The following MARCHF3 variants were observed in gnomAD, a reference collection of about 807,000 sequenced individuals.
The protein encoded by MARCHF3 is E3 ubiquitin-protein ligase MARCHF3.
MARCHF3 carries 13 observed loss-of-function variants against 24.2 expected under a neutral mutation model. That is an observed-to-expected ratio of 0.54 (90% CI 0.35 to 0.85). The LOEUF (loss-of-function observed/expected upper bound fraction) is 0.85. Ranked by LOEUF, MARCHF3 falls within the 40% of genes least tolerant of loss-of-function variation. The pLI is 0.01. For synonymous variants in MARCHF3, 144 were observed against 137.3 expected (o/e 1.05, Z -0.34); for missense variants, 276 against 325.0 (o/e 0.85, Z 1.16).
chr5:127,027,674 G>A (rs1753047762), intron 1 of MARCHF3, among the ~76,000 whole-genome samples: 2 of 152,306 alleles, frequency 1.3e-5, no homozygotes, highest in South Asian at 2.1e-4. Context: ...ACTTTCAGAT[G>A]TAAGACAAAA....
At chr5:126,893,357 T>C (rs1753762956) in intron 3 of MARCHF3, among the ~76,000 whole-genome samples, 1 of 151,120 alleles carries the variant, frequency 6.6e-6, no homozygotes, top group Admixed American at 6.6e-5. Flanking sequence ...GCTCTTGCAT[T>C]TCTAGTTCTT....
chr5:126,922,210 T>C (rs1224619844), intron 1 of MARCHF3, among the ~76,000 whole-genome samples: 1 of 152,054 alleles, frequency 6.6e-6, no homozygotes, highest in Non-Finnish European at 1.5e-5. Flanking sequence ...GAATCATGAG[T>C]TAGGGAAAAA....
intron 1 of MARCHF3, among the ~76,000 whole-genome samples, chr5:126,978,291 C>G (rs1425807645): frequency 6.6e-6 from 1 of 152,148 alleles, no homozygotes; most frequent in Non-Finnish European, 1.5e-5. Context: ...AGAGAGACTG[C>G]CCAGAGTGAC....
At position 126,951,093 on chromosome 5, in the gene MARCHF3, T is replaced by C. The variant is rs74424020; in HGVS notation, c.-56-32866A>G. ...TGTTTTTGTTAAGTTCGCTAGTTATTCCATGTTGCTAAATCCAACAGTCCT... is the reference window on the plus strand; with the variant it reads ...TGTTTTTGTTAAGTTCGCTAGTTATCCCATGTTGCTAAATCCAACAGTCCT... On this transcript the variant is annotated intron_variant, in intron 1 of 4. Transcript: ENST00000308660. Among the ~76,000 whole-genome samples, 1,512 of 152,308 alleles carry C rather than the reference T, an allele frequency of 9.9e-3. 19 individuals carry two copies. The highest frequency in any genetic ancestry group is 0.035 in the African/African-American group (1,444 of 41,548).
intron 3 of MARCHF3, among the ~76,000 whole-genome samples, chr5:126,896,176 G>A (rs914886123): frequency 9.2e-5 from 14 of 152,092 alleles, no homozygotes; most frequent in East Asian, 5.8e-4. Flanking sequence ...GCTGGCGCAC[G>A]GTGCGTGCAC....
At chr5:127,028,863 AG>A (rs1334253957) in intron 1 of MARCHF3, among the ~76,000 whole-genome samples, 2 of 152,236 alleles carry the variant, frequency 1.3e-5, no homozygotes, top group Admixed American at 1.3e-4. Context: ...AGAACTTGAG[AG>A]GCAGGCTTTG....
intron 1 of MARCHF3, among the ~76,000 whole-genome samples, chr5:126,989,359 G>T (rs1384884045): frequency 6.6e-6 from 1 of 150,874 alleles, no homozygotes; most frequent in African/African-American, 2.4e-5. Flanking sequence ...ATAATATTAG[G>T]ACTAAAGAGA....
intron 1 of MARCHF3, among the ~76,000 whole-genome samples, chr5:126,967,177 A>G (rs776881994): frequency 7.9e-5 from 12 of 151,950 alleles, no homozygotes; most frequent in Admixed American, 2.0e-4. Context: ...AGTGATCCCC[A>G]GCTATTGATT....
intron 1 of MARCHF3, among the ~76,000 whole-genome samples, chr5:127,004,422 G>A (rs763827074): frequency 2.0e-4 from 30 of 152,088 alleles, no homozygotes; most frequent in Admixed American, 4.6e-4. Context: ...AATTAATGAC[G>A]AAGGCAGAAA....
In MARCHF3 at chr5:126,944,767, T is replaced by C. The variant is rs1172160022; in HGVS notation, c.-56-26540A>G. 5.3e-5 allele frequency among the ~76,000 whole-genome samples: 8 copies of C among 152,204 alleles called. No individual in the cohort carries two copies. The East Asian group carries it at 1.5e-3, about 29-fold the overall frequency. On this transcript the variant is annotated intron_variant, in intron 1 of 4. Transcript: ENST00000308660. ...TGTAAATCACTTCACCTCTAGGACA[T>C]CCAGTTTCTTAATCTACAAAATAAC...
chr5:126,883,254 T>G (rs1290602772), intron 3 of MARCHF3, among the ~76,000 whole-genome samples: 1 of 152,174 alleles, frequency 6.6e-6, no homozygotes, highest in African/African-American at 2.4e-5. Context: ...TAGTAAATTT[T>G]GTGGCATTTT....
intron 1 of MARCHF3, among the ~76,000 whole-genome samples, chr5:126,932,339 G>A (rs971654048): frequency 6.6e-6 from 1 of 152,236 alleles, no homozygotes; most frequent in African/African-American, 2.4e-5. Context: ...TGAAAAAGGA[G>A]AAGGTGACTT....
intron 3 of MARCHF3, among the ~76,000 whole-genome samples, chr5:126,889,115 C>T (rs1753592045): frequency 6.6e-6 from 1 of 152,088 alleles, no homozygotes; most frequent in Non-Finnish European, 1.5e-5. Context: ...CCTGATCTTG[C>T]TTCATTTTAA....
chr5:127,016,900 G>C (rs1031024869), intron 1 of MARCHF3, among the ~76,000 whole-genome samples: 39 of 152,184 alleles, frequency 2.6e-4, no homozygotes, highest in African/African-American at 9.2e-4. Flanking sequence ...TTAAGAAAAT[G>C]TGGCACATAT....
At chr5:126,982,257 G>C (rs945519639) in intron 1 of MARCHF3, among the ~76,000 whole-genome samples, 8 of 152,184 alleles carry the variant, frequency 5.3e-5, no homozygotes, top group Non-Finnish European at 1.2e-4. Flanking sequence ...CCCTGGCCTT[G>C]TCACACAGCA....
In MARCHF3 at chr5:126,966,188, G is replaced by A. The variant is rs115383261; in HGVS notation, c.-56-47961C>T. On this transcript the variant is annotated intron_variant, in intron 1 of 4. Transcript: ENST00000308660. ...GTGGTTTCCTGGAGGCAAAGTGGGT[G>A]TTGGGTGGGGGACTGACTGCAAAGG... 1.1e-3 allele frequency among the ~76,000 whole-genome samples: 164 copies of A among 152,314 alleles called. 1 individual carries two copies. Among genetic ancestry groups the A allele is most frequent in the African/African-American group, 3.7e-3 (154 of 41,566 alleles).
chr5:127,006,177 T>C (rs1249656259), intron 1 of MARCHF3, among the ~76,000 whole-genome samples: 1 of 142,822 alleles, frequency 7.0e-6, no homozygotes, highest in Non-Finnish European at 1.5e-5. Flanking sequence ...GACTCCAGCC[T>C]GGGAGACACA....
intron 1 of MARCHF3, among the ~76,000 whole-genome samples, chr5:126,931,274 T>C (rs564295905): frequency 1.9e-4 from 29 of 152,240 alleles, no homozygotes; most frequent in Non-Finnish European, 3.7e-4. Flanking sequence ...CTAGAATGCA[T>C]TGAGAGCTGC....
intron 3 of MARCHF3, among the ~76,000 whole-genome samples, chr5:126,883,830 T>C (rs1753418509): frequency 6.6e-6 from 1 of 152,202 alleles, no homozygotes; most frequent in Non-Finnish European, 1.5e-5. Flanking sequence ...AAAACCAGAT[T>C]ACACTCTGGT....
Sources: allele counts gnomAD v4.1 joint callset (sites outside exome capture counted in the v4.1 genomes callset), GRCh38; gene constraint gnomAD v4.1.1; transcripts MANE v1.5; gene names NCBI Gene and HGNC (gene_info 2026-07-23, HGNC 2026-07-21).